Variants in ZC3HC1 observed in about 807,000 individuals in gnomAD.
ZC3HC1 encodes the protein zinc finger C3HC-type containing 1.
A neutral mutation model predicts 61.9 loss-of-function variants in ZC3HC1; 38 were observed. The ratio of observed to expected loss-of-function variants is 0.61; its 90% confidence interval spans 0.47 to 0.81. The LOEUF is 0.81. Among genes scored for constraint, ZC3HC1 ranks in the 30% least tolerant of loss-of-function variants. ZC3HC1 has a pLI of 0.00. For synonymous variants in ZC3HC1, 213 were observed against 229.9 expected, an observed-to-expected ratio of 0.93 and a Z score of 0.67; for missense variants, 554 against 622.7, an observed-to-expected ratio of 0.89 and a Z score of 1.17.
rs1015361141 is a variant in ZC3HC1 at position 130,029,161 on chromosome 7, A to G, written c.494-132T>C. 1.1e-5 allele frequency: 11 copies of G among 1,009,140 alleles called. No individual in the cohort carries two copies. The African/African-American group carries it at 1.5e-4, about 14-fold the overall frequency. The allele number at this position is 1,009,140 out of a possible 1,614,324, so 62.5% of individuals were successfully genotyped here. On this transcript the variant is annotated intron_variant, in intron 4 of 9. Coordinates refer to ENST00000358303, the MANE Select transcript of ZC3HC1 (RefSeq NM_016478.5). ...CGAGGCGGGCGGATCACCTGAGGTC[A>G]GGAGTTCAAGACCAACCTAGCCAAC...
intron 4 of ZC3HC1, among the ~76,000 whole-genome samples, chr7:130,031,968 G>A (rs1794215348): frequency 6.6e-6 from 1 of 152,222 alleles, no homozygotes; most frequent in Admixed American, 6.5e-5. Context: ...GCTCACGCCT[G>A]TAATCCCAAC....
chr7:130,032,512 G>A (rs992649185), intron 4 of ZC3HC1, among the ~76,000 whole-genome samples: 1 of 151,386 alleles, frequency 6.6e-6, no homozygotes, highest in South Asian at 2.1e-4. Context: ...TGGATGTGGT[G>A]GCATACGCCT....
intron 2 of ZC3HC1, among the ~76,000 whole-genome samples, chr7:130,047,690 C>T (rs1196710837): frequency 6.6e-6 from 1 of 150,456 alleles, no homozygotes; most frequent in Non-Finnish European, 1.5e-5. Context: ...GGTAGGGGTG[C>T]AAACTTGGCA....
At chr7:130,019,340 C>G (rs932867186) in intron 9 of ZC3HC1, among the ~76,000 whole-genome samples, 4 of 152,132 alleles carry the variant, frequency 2.6e-5, no homozygotes, top group Admixed American at 2.6e-4. Context: ...TGAGCCACCA[C>G]GCCCGGCCTG....
At position 130,049,104 on chromosome 7, in the gene ZC3HC1, G is replaced by A. The variant is rs375271430; in HGVS notation, c.187C>T (p.Pro63Ser). 5 of 1,609,290 alleles carry A rather than the reference G, an allele frequency of 3.1e-6. No individual in the cohort carries two copies. In the African/African-American group the frequency reaches 6.7e-5, roughly 22 times the overall value. Residue 63 changes from proline to serine, a missense_variant, in exon 2 of 10, where the codon CCC becomes TCC. Transcript: ENST00000358303. ...SATSQSVNGS[P>S]QAEQPSLEST... Reference sequence around the variant, plus strand: ...TCCAATGAAGGTTGTTCCGCTTGGGGTGATCCATTAACTGACTGGGATGTG... The same window carrying A: ...TCCAATGAAGGTTGTTCCGCTTGGGATGATCCATTAACTGACTGGGATGTG...
Position 130,029,021 on chromosome 7 carries a change from C to T in ZC3HC1, c.502G>A (p.Gly168Arg), listed in dbSNP as rs1391050061. The T allele has an allele frequency of 6.2e-7, 1 of 1,612,478 alleles. No homozygotes were observed. Among genetic ancestry groups the T allele is most frequent in the East Asian group, 2.2e-5 (1 of 44,758 alleles). ...WPDSPSPDRF[G>R]MLPLDEPAIL... is the part of the protein sequence containing the mutation. ...GCAGGCTCATCCAGGGGCAACATCC[C>T]AAATCGGTCTGTGGAAAAAGTAAAT... Residue 168 changes from glycine (G) to arginine (R), a missense_variant, in exon 5 of 10, where the codon GGG becomes AGG. Gly to Arg is a moderately radical substitution (Grantham distance 125). Transcript: ENST00000358303.
intron 3 of ZC3HC1, among the ~76,000 whole-genome samples, chr7:130,039,850 G>A (rs897191623): frequency 1.3e-5 from 2 of 151,662 alleles, no homozygotes; most frequent in Non-Finnish European, 2.9e-5. Flanking sequence ...CATCTCCCAG[G>A]CCCAAGCGAT....
In ZC3HC1 at chr7:130,018,687, A is replaced by G. The variant is rs1176333213; in HGVS notation, c.1486T>C (p.Trp496Arg). 3.1e-6 allele frequency: 5 copies of G among 1,612,392 alleles called. No individual in the cohort carries two copies. Among genetic ancestry groups the G allele is most frequent in the African/African-American group, 1.3e-5 (1 of 74,904 alleles). Residue 496 changes from tryptophan to arginine, a missense_variant, in exon 10 of 10, where the codon TGG (tryptophan) becomes CGG (arginine). Transcript: ENST00000358303. ...SRKVFRIFRQ[W>R]ESLCSC ...CTTCAGCATGAGCACAGAGATTCCC[A>G]CTGCCGAAATATTCGGAATACTTTC...
chr7:130,046,499 TG>T (rs2116773866), intron 2 of ZC3HC1, among the ~76,000 whole-genome samples: 1 of 151,018 alleles, frequency 6.6e-6, no homozygotes, highest in Non-Finnish European at 1.5e-5. Context: ...CTCAGCTACT[TG>T]GGAGGCTGAG....
intron 2 of ZC3HC1, 67 bp from the exon 3 acceptor site, chr7:130,041,168 G>GTT: frequency 6.6e-7 from 1 of 1,513,322 alleles, no homozygotes; most frequent in Non-Finnish European, 8.9e-7. Flanking sequence ...GTGTGTGTGT[G>GTT]TGTGTGTGTA....
At chr7:130,026,967 A>G (rs570003944) in intron 5 of ZC3HC1, 1 of 140,592 alleles carries the variant, frequency 7.1e-6, no homozygotes, top group Admixed American at 7.2e-5. Context: ...AAGACTCCGT[A>G]TCAAAAAAAA....
At chr7:130,020,327 T>TAGTA (rs1183832881) in intron 9 of ZC3HC1, among the ~76,000 whole-genome samples, 21 of 150,492 alleles carry the variant, frequency 1.4e-4, no homozygotes, top group African/African-American at 4.9e-4. Flanking sequence ...CGCTGGAGTG[T>TAGTA]AGTAGTGCGA....
chr7:130,023,540 G>T lies in ZC3HC1; in HGVS notation c.1204C>A (p.Arg402=). 1 of 1,614,194 alleles carries T rather than the reference G, an allele frequency of 6.2e-7. No individual in the cohort carries two copies. The highest frequency in any genetic ancestry group is 8.5e-7 in the Non-Finnish European group (1 of 1,180,042). The change falls in exon 8 of 10, where the codon CGA becomes AGA. Residue 402 remains arginine, a synonymous_variant. Transcript: ENST00000358303. The surrounding 1 kb of genome is among the most constrained non-coding windows in gnomAD (Gnocchi z 4.2). ...CTGCTGGAGGAGCAGAGGCGAGCTC[G>T]CTTGGCTTTCCGCAGAGGGCTAGAT... ...VPSSPLRKAK[R]ARLCSSSSSD...
intron 2 of ZC3HC1, chr7:130,043,996 T>TCAG: frequency 2.7e-6 from 1 of 373,896 alleles, no homozygotes; most frequent in South Asian, 2.0e-5. Flanking sequence ...ACTGGAGATG[T>TCAG]CAGCAGGAAC....
In ZC3HC1 at chr7:130,023,792, C is replaced by A; in HGVS notation, c.1021-69G>T. Reference sequence around the variant, plus strand: ...TGATTATGGTCAGAAATACTTCTTTCTTTAATCTTTTTTCTTTTTTTTTTT... The same window carrying A: ...TGATTATGGTCAGAAATACTTCTTTATTTAATCTTTTTTCTTTTTTTTTTT... On this transcript the variant is annotated intron_variant, in intron 7 of 9. Transcript: ENST00000358303. The surrounding 1 kb of genome is among the most constrained non-coding windows in gnomAD (Gnocchi z 4.2). 6 of 1,274,992 alleles carry A rather than the reference C, an allele frequency of 4.7e-6. No homozygotes were observed. The highest frequency in any genetic ancestry group is 6.5e-6 in the Non-Finnish European group (6 of 918,170). 79.0% of individuals were successfully genotyped at this position (1,274,992 alleles called of 1,614,324 possible).
chr7:130,029,909 G>A (rs1794101347), intron 4 of ZC3HC1, among the ~76,000 whole-genome samples: 1 of 152,200 alleles, frequency 6.6e-6, no homozygotes, highest in Non-Finnish European at 1.5e-5. Flanking sequence ...GGCTTGCATT[G>A]TAAGGTGAAG....
intron 4 of ZC3HC1, among the ~76,000 whole-genome samples, chr7:130,037,360 C>T (rs1211275361): frequency 6.6e-6 from 1 of 152,168 alleles, no homozygotes; most frequent in African/African-American, 2.4e-5. Context: ...AGGAGAATTG[C>T]TTGAACCCAG....
rs573839392 is a variant in ZC3HC1, at chr7:130,040,847, C to T, written c.409+104G>A. 1.0e-3 allele frequency: 1,140 copies of T among 1,144,444 alleles called. 5 individuals carry two copies. Among genetic ancestry groups the T allele is most frequent in the Middle Eastern group, 2.7e-3 (12 of 4,440 alleles). 70.9% of individuals were successfully genotyped at this position (1,144,444 alleles called of 1,614,324 possible). A position where few individuals can be genotyped will look rare whatever the true frequency, so the allele number is the denominator to read the frequency against. ...AAGATTAAAAAAAAAGATTGAAGTA[C>T]GCATTTTTTGATCAAACTAAAATGA... is the stretch of plus-strand genomic sequence containing the variant. On this transcript the variant is annotated intron_variant, in intron 3 of 9. Transcript: ENST00000358303.
intron 4 of ZC3HC1, among the ~76,000 whole-genome samples, chr7:130,030,674 C>CTT (rs1272691508): frequency 5.7e-5 from 8 of 141,042 alleles, no homozygotes; most frequent in Admixed American, 2.1e-4. Flanking sequence ...CACTCATAAT[C>CTT]TTTTTTTTTT....
Sources: gnomAD v4.1 joint callset for allele counts (sites outside exome capture counted in the v4.1 genomes callset) on GRCh38, gnomAD v4.1.1 for gene constraint, Gnocchi (gnomAD v3.1) non-coding constraint, MANE v1.5 for transcripts, NCBI Gene and HGNC (gene_info 2026-07-23, HGNC 2026-07-21) for gene names.